ACADL: variants seen among roughly 807,000 people sequenced by gnomAD.
ACADL encodes the protein acyl-CoA dehydrogenase long chain.
A neutral mutation model predicts 56.9 loss-of-function variants in ACADL; 60 were observed. That is an observed-to-expected ratio of 1.05 (90% CI 0.86 to 1.31). The LOEUF is 1.31. Ranked by LOEUF, ACADL falls within the 50% of genes most tolerant of loss-of-function variation. The pLI is 0.00. For synonymous variants in ACADL, 158 were observed against 179.7 expected, an observed-to-expected ratio of 0.88 and a Z score of 0.97; for missense variants, 484 against 525.5, an observed-to-expected ratio of 0.92 and a Z score of 0.77.
At chr2:210,214,491 G>GAAAGAAAGAAAGAAAGAAAGA in intron 4 of ACADL, among the ~76,000 whole-genome samples, 1 of 150,004 alleles carries the variant, frequency 6.7e-6, no homozygotes. Context: ...AAGAAAGAAA[G>GAAAGAAAGAAAGAAAGAAAGA]AAAGAAAGAA....
intron 3 of ACADL, 122 bp from the exon 4 acceptor site, chr2:210,216,633 A>C: frequency 1.6e-5 from 14 of 891,566 alleles, no homozygotes; most frequent in Non-Finnish European, 2.2e-5. Context: ...TCACAAACCT[A>C]TGACATTCCT....
chr2:210,219,816 A>G (rs537141034), intron 2 of ACADL, among the ~76,000 whole-genome samples: 2 of 152,210 alleles, frequency 1.3e-5, no homozygotes, highest in African/African-American at 2.4e-5. Context: ...TATTTAATAT[A>G]TTACATGAGT....
At chr2:210,213,553 A>G (rs181648799) in intron 4 of ACADL, among the ~76,000 whole-genome samples, 352 of 152,286 alleles carry the variant, frequency 2.3e-3, no homozygotes, top group African/African-American at 7.9e-3. Flanking sequence ...AGGTAATGAC[A>G]TAGCTCAGTT....
At chr2:210,214,960 T>C (rs2125716355) in intron 4 of ACADL, among the ~76,000 whole-genome samples, 2 of 152,306 alleles carry the variant, frequency 1.3e-5, no homozygotes, top group African/African-American at 4.8e-5. Flanking sequence ...AATGTAAACA[T>C]ATTGCAAGTC....
rs1385203535 is a variant in ACADL at position 210,225,274 on chromosome 2, C to A, written c.-11G>T. The A allele has an allele frequency of 6.4e-7, 1 of 1,552,606 alleles. No individual in the cohort carries two copies. The highest frequency in any genetic ancestry group is 1.2e-5 in the South Asian group (1 of 84,680). On this transcript the variant is annotated 5_prime_UTR_variant, in exon 1 of 11. Transcript: ENST00000233710. ...AAGGCGTGCGGCCATGTCCGAAACA[C>A]AGGGGCGGCGGGGCGACGGAGGCGA...
rs780555335 is a variant in ACADL, at chr2:210,192,790, A to T, written c.1199+14T>A. Reference sequence around the variant, plus strand: ...CACATCATAAAGAAGAGTGTATCAGAAAACTATACTTACTTTGCAATTGGG... The same window carrying T: ...CACATCATAAAGAAGAGTGTATCAGTAAACTATACTTACTTTGCAATTGGG... On this transcript the variant is annotated intron_variant, in intron 10 of 10. Transcript: ENST00000233710. The T allele has an allele frequency of 6.5e-5, 104 of 1,598,698 alleles. No homozygotes were observed. Among genetic ancestry groups the T allele is most frequent in the Non-Finnish European group, 8.1e-5 (94 of 1,166,266 alleles).
intron 5 of ACADL, among the ~76,000 whole-genome samples, chr2:210,206,499 T>C (rs2125713180): frequency 6.6e-6 from 1 of 152,158 alleles, no homozygotes; most frequent in African/African-American, 2.4e-5. Context: ...GGCACTATAT[T>C]ATTTATTCTC....
rs140400345 is a variant in ACADL at position 210,195,219 on chromosome 2, C to T, written c.1104G>A (p.Ala368=). 2.0e-5 allele frequency: 32 copies of T among 1,613,834 alleles called. No homozygotes were observed. In the Middle Eastern group the frequency reaches 5.0e-4, roughly 25 times the overall value. Residue 368 remains alanine, a synonymous_variant, in exon 9 of 11, where the codon GCG becomes GCA. Coordinates refer to ENST00000233710, the MANE Select transcript of ACADL (RefSeq NM_001608.4). ...TACTGTAGCATGCATACCAATATTT[C>T]GCCATGCAAGCAGTGGCGGAGTCCA... The part of the protein sequence containing the change: ...KRLDSATACM[A]KYWASELQNS...
chr2:210,190,118 A>G (rs1307565524), intron 10 of ACADL, among the ~76,000 whole-genome samples: 2 of 152,080 alleles, frequency 1.3e-5, no homozygotes, highest in African/African-American at 4.8e-5. Context: ...CTCTCTAGGA[A>G]CATACCACTT....
At chr2:210,224,526 A>G (rs1187949165) in intron 1 of ACADL, 2 of 985,314 alleles carry the variant, frequency 2.0e-6, no homozygotes, top group African/African-American at 1.7e-5. Flanking sequence ...ACTTTTGATC[A>G]TATTATAAAC....
At chr2:210,208,109 A>G (rs996224242) in intron 5 of ACADL, among the ~76,000 whole-genome samples, 1 of 152,164 alleles carries the variant, frequency 6.6e-6, no homozygotes, top group Non-Finnish European at 1.5e-5. Context: ...TTGAAATGCT[A>G]TGAGTGCTTT....
chr2:210,193,000 T>C, intron 9 of ACADL, 110 bp from the exon 10 acceptor site: 4 of 797,366 alleles, frequency 5.0e-6, no homozygotes, highest in Non-Finnish European at 8.5e-6. Context: ...TGCACATTTA[T>C]TAAGCAATTA....
chr2:210,198,439 A>G (rs1344835272), intron 8 of ACADL, among the ~76,000 whole-genome samples: 1 of 152,082 alleles, frequency 6.6e-6, no homozygotes, highest in Admixed American at 6.6e-5. Context: ...TTTCCTCTCT[A>G]TTCCTCTCCC....
intron 4 of ACADL, among the ~76,000 whole-genome samples, chr2:210,213,142 A>G (rs1188888166): frequency 2.0e-5 from 3 of 152,200 alleles, no homozygotes; most frequent in Admixed American, 2.0e-4. Context: ...TTCTAACATC[A>G]TATTTTTCAT....
At chr2:210,197,190 C>T (rs1198074343) in intron 8 of ACADL, among the ~76,000 whole-genome samples, 1 of 152,104 alleles carries the variant, frequency 6.6e-6, no homozygotes, top group East Asian at 1.9e-4. Context: ...GACTGTCTTT[C>T]CCCTGGTTTT....
At chr2:210,189,438 T>G (rs1688596663) in intron 10 of ACADL, among the ~76,000 whole-genome samples, 1 of 152,170 alleles carries the variant, frequency 6.6e-6, no homozygotes, top group Non-Finnish European at 1.5e-5. Context: ...CCTAAAAAGT[T>G]GAAATCCACT....
chr2:210,223,652 T>C (rs900319503), intron 1 of ACADL, among the ~76,000 whole-genome samples: 5 of 152,178 alleles, frequency 3.3e-5, no homozygotes, highest in African/African-American at 9.6e-5. Flanking sequence ...CTTACGCCAA[T>C]GGATAAAACA....
At chr2:210,216,064 C>G (rs1298301453) in intron 4 of ACADL, among the ~76,000 whole-genome samples, 1 of 152,184 alleles carries the variant, frequency 6.6e-6, no homozygotes, top group African/African-American at 2.4e-5. Flanking sequence ...TAACAAACTG[C>G]TTGGCATTTA....
intron 6 of ACADL, 99 bp downstream of exon 6, chr2:210,205,533 G>T: frequency 8.3e-7 from 1 of 1,197,808 alleles, no homozygotes; most frequent in Non-Finnish European, 1.2e-6. Flanking sequence ...TTCAGCATAG[G>T]AAATAAAATT....
Sources: allele counts gnomAD v4.1 joint callset (sites outside exome capture counted in the v4.1 genomes callset), GRCh38; gene constraint gnomAD v4.1.1; transcripts MANE v1.5; gene names NCBI Gene and HGNC (gene_info 2026-07-23, HGNC 2026-07-21).